Variants in HTR7 observed in about 807,000 individuals in gnomAD.
HTR7 encodes the protein 5-HT-7.
HTR7 carries 16 observed loss-of-function variants against 34.0 expected under a neutral mutation model. The ratio of observed to expected loss-of-function variants is 0.47; its 90% CI spans 0.32 to 0.71. The LOEUF (loss-of-function observed/expected upper bound fraction) is 0.71, where lower values mean the gene tolerates loss of function less well. Among genes scored for constraint, HTR7 ranks in the 30% least tolerant of loss-of-function variants. The pLI, the probability that HTR7 is intolerant of heterozygous loss-of-function variation, is 0.04. For missense variants in HTR7, 504 were observed against 625.5 expected (o/e 0.81, Z 2.07); for synonymous variants, 265 against 260.2 (o/e 1.02, Z -0.18).
intron 1 of HTR7, among the ~76,000 whole-genome samples, chr10:90,849,594 A>G (rs1244974003): frequency 6.6e-6 from 1 of 152,236 alleles, no homozygotes; most frequent in Non-Finnish European, 1.5e-5. Context: ...TGAGGCAGGG[A>G]CAAACCAAGG....
intron 1 of HTR7, among the ~76,000 whole-genome samples, chr10:90,788,056 C>A (rs1845407399): frequency 6.6e-6 from 1 of 152,044 alleles, no homozygotes; most frequent in South Asian, 2.1e-4. Context: ...ATTACCCTTA[C>A]CCTGAGCCGG....
chr10:90,785,686 T>A (rs771382313), intron 1 of HTR7, among the ~76,000 whole-genome samples: 4 of 152,206 alleles, frequency 2.6e-5, no homozygotes, highest in Non-Finnish European at 4.4e-5. Context: ...CGTCCAGAAC[T>A]CCAACCTTGA....
rs571962569 is a variant in HTR7 at position 90,763,509 on chromosome 10, T to C, written c.540-13915A>G. On this transcript the variant is annotated intron_variant, in intron 1 of 3. Transcript: ENST00000336152. ...ACGTGTGCAGAACATGAAGGTTTGT[T>C]ACATACGTATACATGTGCCATGGTG... 2.0e-5 allele frequency among the ~76,000 whole-genome samples: 3 copies of C among 152,308 alleles called. No individual in the cohort carries two copies. The South Asian group carries it at 6.2e-4, about 32-fold the overall frequency.
chr10:90,786,259 C>T (rs1335616245), intron 1 of HTR7, among the ~76,000 whole-genome samples: 10 of 152,316 alleles, frequency 6.6e-5, no homozygotes, highest in Middle Eastern at 3.4e-3. Flanking sequence ...AAGTGGCCCA[C>T]GGCAGGCCTT....
chr10:90,829,520 AG>A (rs1162274142), intron 1 of HTR7, among the ~76,000 whole-genome samples: 1 of 151,586 alleles, frequency 6.6e-6, no homozygotes, highest in Non-Finnish European at 1.5e-5. Context: ...TCCCTCCCCT[AG>A]CCCCCCACCC....
intron 1 of HTR7, among the ~76,000 whole-genome samples, chr10:90,817,364 T>A (rs370292423): frequency 6.6e-6 from 1 of 152,186 alleles, no homozygotes; most frequent in African/African-American, 2.4e-5. Flanking sequence ...CTAGCTTATC[T>A]TCACAGGGAC....
At chr10:90,846,829 C>T (rs537744443) in intron 1 of HTR7, among the ~76,000 whole-genome samples, 96 of 152,308 alleles carry the variant, frequency 6.3e-4, no homozygotes, top group Non-Finnish European at 8.8e-5. Context: ...ATTCCCATAA[C>T]TAAAGGGGGA....
chr10:90,813,769 G>A (rs984920503), intron 1 of HTR7, among the ~76,000 whole-genome samples: 1 of 152,196 alleles, frequency 6.6e-6, no homozygotes, highest in East Asian at 1.9e-4. Context: ...CCTTCTCCTT[G>A]CCAAACCACA....
chr10:90,756,679 A>C (rs932088318), intron 1 of HTR7, among the ~76,000 whole-genome samples: 3 of 152,190 alleles, frequency 2.0e-5, no homozygotes, highest in Non-Finnish European at 2.9e-5. Flanking sequence ...CAAAAAAGAG[A>C]GTTTCCCTTA....
chr10:90,786,453 T>C (rs949546053), intron 1 of HTR7, among the ~76,000 whole-genome samples: 3 of 152,234 alleles, frequency 2.0e-5, no homozygotes, highest in Non-Finnish European at 4.4e-5. Context: ...CACGTGTATT[T>C]GTTCCTAATA....
chr10:90,742,844 T>C (rs80103015), intron 3 of HTR7, among the ~76,000 whole-genome samples: 2,794 of 152,278 alleles, frequency 0.018, 99 homozygotes, highest in African/African-American at 0.064. Context: ...CAAAATACTA[T>C]TGCACCTGCC....
At chr10:90,762,553 G>A (rs542125305) in intron 1 of HTR7, among the ~76,000 whole-genome samples, 2 of 152,084 alleles carry the variant, frequency 1.3e-5, no homozygotes, top group South Asian at 2.1e-4. Flanking sequence ...AAGATACATG[G>A]TTTCTGAATA....
intron 1 of HTR7, among the ~76,000 whole-genome samples, chr10:90,849,114 G>A (rs576103758): frequency 6.6e-6 from 1 of 152,328 alleles, no homozygotes; most frequent in Non-Finnish European, 1.5e-5. Flanking sequence ...AAGGTTTCAA[G>A]TTTGTGGATT....
chr10:90,858,009 C>G lies in HTR7; in HGVS notation c.-338G>C, dbSNP rs1361721890. On this transcript the variant is annotated 5_prime_UTR_variant, in exon 1 of 4. Transcript: ENST00000336152. ...AGCAGCTCGGCTGCGCCGAGAGCGC[C>G]CGGGCGGCAGCGGCAGAAGTTGCGG... Among the ~76,000 whole-genome samples the G allele has an allele frequency of 6.7e-6, 1 of 149,864 alleles. No individual in the cohort carries two copies. Among genetic ancestry groups the G allele is most frequent in the Non-Finnish European group, 1.5e-5 (1 of 67,286 alleles).
At chr10:90,800,831 T>C (rs1363485194) in intron 1 of HTR7, among the ~76,000 whole-genome samples, 2 of 152,218 alleles carry the variant, frequency 1.3e-5, no homozygotes, top group African/African-American at 4.8e-5. Flanking sequence ...CTTCTGTTTT[T>C]TCTGGGCATG....
chr10:90,825,672 AAATC>A (rs2120028692), intron 1 of HTR7, among the ~76,000 whole-genome samples: 1 of 152,334 alleles, frequency 6.6e-6, no homozygotes, highest in South Asian at 2.1e-4. Context: ...TAATTTGAAA[AAATC>A]AAACAAATTC....
chr10:90,775,657 A>AT (rs1845194496), intron 1 of HTR7, among the ~76,000 whole-genome samples: 1 of 152,152 alleles, frequency 6.6e-6, no homozygotes. Flanking sequence ...GGCCTGACAT[A>AT]TTTTTTAGTG....
chr10:90,802,771 GT>G (rs1564687369), intron 1 of HTR7, among the ~76,000 whole-genome samples: 1 of 152,186 alleles, frequency 6.6e-6, no homozygotes, highest in Non-Finnish European at 1.5e-5. Flanking sequence ...TAGTCTGGTA[GT>G]TAAAATTCAT....
chr10:90,771,544 C>G (rs934941942), intron 1 of HTR7, among the ~76,000 whole-genome samples: 2 of 152,218 alleles, frequency 1.3e-5, no homozygotes, highest in Non-Finnish European at 2.9e-5. Flanking sequence ...CTGGGTGCCA[C>G]CACATTCCCC....
Sources: allele counts gnomAD v4.1 joint callset (sites outside exome capture counted in the v4.1 genomes callset), GRCh38; gene constraint gnomAD v4.1.1; transcripts MANE v1.5; gene names NCBI Gene and HGNC (gene_info 2026-07-23, HGNC 2026-07-21).